Variants in GLIS1 observed in about 807,000 individuals in gnomAD.
The protein encoded by GLIS1 is zinc finger protein GLIS1.
In GLIS1, 24 loss-of-function variants were observed where a neutral mutation model predicts 63.8. The ratio of observed to expected loss-of-function variants is 0.38; its 90% CI spans 0.27 to 0.53. The LOEUF is 0.53. GLIS1 is among the 20% of genes least tolerant of loss of function. The probability of loss-of-function intolerance (pLI) is 0.85; values close to 1 mark genes in which losing one functional copy is unlikely to be tolerated. For synonymous variants in GLIS1, 450 were observed against 482.5 expected, an observed-to-expected ratio of 0.93 and a Z score of 0.88; for missense variants, 1,036 against 1,074.1, an observed-to-expected ratio of 0.96 and a Z score of 0.50.
intron 2 of GLIS1, among the ~76,000 whole-genome samples, chr1:53,736,774 G>A (rs1646916326): frequency 6.6e-6 from 1 of 152,234 alleles, no homozygotes; most frequent in African/African-American, 2.4e-5. Flanking sequence ...GAACCAGGGA[G>A]TTGGGTGTTT....
At chr1:53,568,968 T>G (rs948436648) in intron 4 of GLIS1, among the ~76,000 whole-genome samples, 3 of 152,164 alleles carry the variant, frequency 2.0e-5, no homozygotes, top group Non-Finnish European at 2.9e-5. Context: ...GGAATATTAT[T>G]CAGTAGTGAA....
chr1:53,545,129 G>A (rs1429506000), intron 4 of GLIS1, among the ~76,000 whole-genome samples: 1 of 152,200 alleles, frequency 6.6e-6, no homozygotes, highest in East Asian at 1.9e-4. Flanking sequence ...CTCCAATTCT[G>A]TGAAAACCAC....
intron 4 of GLIS1, among the ~76,000 whole-genome samples, chr1:53,556,096 C>A (rs1167946306): frequency 1.7e-5 from 2 of 114,610 alleles, no homozygotes; most frequent in Non-Finnish European, 3.4e-5. Context: ...AGGTGTACTG[C>A]AGGTGTGTGT....
chr1:53,582,287 C>T (rs1645092850), intron 4 of GLIS1, among the ~76,000 whole-genome samples: 1 of 152,242 alleles, frequency 6.6e-6, no homozygotes, highest in Non-Finnish European at 1.5e-5. Flanking sequence ...GCCAGGCTTC[C>T]TCTGACCCTA....
intron 4 of GLIS1, among the ~76,000 whole-genome samples, chr1:53,554,265 AG>A (rs1456206179): frequency 6.6e-6 from 1 of 152,194 alleles, no homozygotes; most frequent in Non-Finnish European, 1.5e-5. Flanking sequence ...GAGGGGACAG[AG>A]GCACAGAGAG....
intron 4 of GLIS1, among the ~76,000 whole-genome samples, chr1:53,561,009 A>G (rs1303749917): frequency 6.6e-6 from 1 of 152,082 alleles, no homozygotes; most frequent in Non-Finnish European, 1.5e-5. Context: ...CCAAGCCCCT[A>G]CTGTGTGCCC....
intron 2 of GLIS1, among the ~76,000 whole-genome samples, chr1:53,622,427 C>CAAAAAAAAAAAAAAA (rs60923620): frequency 2.3e-5 from 3 of 132,300 alleles, no homozygotes; most frequent in Non-Finnish European, 4.7e-5. Context: ...GACTATGTCT[C>CAAAAAAAAAAAAAAA]AAAAAAAAAA....
intron 4 of GLIS1, among the ~76,000 whole-genome samples, chr1:53,531,252 C>T (rs974767496): frequency 2.6e-5 from 4 of 152,208 alleles, no homozygotes; most frequent in Non-Finnish European, 5.9e-5. Context: ...CCATGAGCAC[C>T]TAACCCAGAT....
intron 5 of GLIS1, among the ~76,000 whole-genome samples, chr1:53,527,168 C>T (rs1452672016): frequency 6.6e-6 from 1 of 152,216 alleles, no homozygotes; most frequent in African/African-American, 2.4e-5. Context: ...AGGGAGGGAG[C>T]GTGTGCAGGC....
chr1:53,662,600 G>A (rs1646041110), intron 2 of GLIS1, among the ~76,000 whole-genome samples: 1 of 152,130 alleles, frequency 6.6e-6, no homozygotes, highest in Non-Finnish European at 1.5e-5. Flanking sequence ...CTGGTTTGGA[G>A]GCAGCTACAG....
At position 53,560,849 on chromosome 1, in the gene GLIS1, C is replaced by T. The variant is rs1006859281; in HGVS notation, c.1321-30897G>A. On this transcript the variant is annotated intron_variant, in intron 4 of 10. Transcript: ENST00000628545. This position sits in a 1 kb window ranked among gnomAD's most constrained non-coding sequence, Gnocchi z 4.4. ...GGCCTTGCCACCTGAAGGGGCAATA[C>T]ACCACACTTTTTCCTGCCCCATCCT... is the stretch of plus-strand genomic sequence containing the variant. 6.6e-6 allele frequency among the ~76,000 whole-genome samples: 1 copy of T among 152,190 alleles called. No homozygotes were observed. The highest frequency in any genetic ancestry group is 1.5e-5 in the Non-Finnish European group (1 of 68,034).
chr1:53,650,814 T>A (rs1645899070), intron 2 of GLIS1, among the ~76,000 whole-genome samples: 1 of 152,248 alleles, frequency 6.6e-6, no homozygotes, highest in African/African-American at 2.4e-5. Flanking sequence ...TCACCCCGTC[T>A]GCCCACTGCA....
At chr1:53,527,236 G>A (rs772245114) in intron 5 of GLIS1, among the ~76,000 whole-genome samples, 5 of 152,244 alleles carry the variant, frequency 3.3e-5, no homozygotes, top group Non-Finnish European at 7.3e-5. Flanking sequence ...AAGTGGGCAG[G>A]GGAGAGAGAA....
chr1:53,723,181 T>C (rs1392798522), intron 2 of GLIS1, among the ~76,000 whole-genome samples: 1 of 151,916 alleles, frequency 6.6e-6, no homozygotes, highest in Non-Finnish European at 1.5e-5. Context: ...ACAAAGAATG[T>C]TAATAACATA....
chr1:53,721,167 T>TA (rs1414488695), intron 2 of GLIS1, among the ~76,000 whole-genome samples: 2 of 151,932 alleles, frequency 1.3e-5, no homozygotes, highest in Non-Finnish European at 2.9e-5. Flanking sequence ...AAAAGAGAAC[T>TA]AAATCTTCAT....
intron 2 of GLIS1, among the ~76,000 whole-genome samples, chr1:53,676,753 C>G (rs1178379124): frequency 6.6e-6 from 1 of 152,212 alleles, no homozygotes; most frequent in Non-Finnish European, 1.5e-5. Context: ...ACCCTCCACC[C>G]TGACCTCCAA....
At chr1:53,508,553 C>T (rs1465423821) in intron 10 of GLIS1, among the ~76,000 whole-genome samples, 1 of 152,252 alleles carries the variant, frequency 6.6e-6, no homozygotes, top group South Asian at 2.1e-4. Flanking sequence ...TAGGCCTGCC[C>T]TGCTGATCGG....
chr1:53,674,792 C>T (rs537336412), intron 2 of GLIS1, among the ~76,000 whole-genome samples: 2 of 152,280 alleles, frequency 1.3e-5, no homozygotes, highest in Admixed American at 6.5e-5. Flanking sequence ...GGATGCTAGG[C>T]TCACCACCCC....
chr1:53,556,036 GGTGTGTGTGT>G (rs143953220), intron 4 of GLIS1, among the ~76,000 whole-genome samples: 14 of 116,262 alleles, frequency 1.2e-4, no homozygotes, highest in African/African-American at 4.1e-4. Context: ...GTGTATTGCA[GGTGTGTGTGT>G]GTGTGTGTGT....
Sources: gnomAD v4.1 joint callset for allele counts (sites outside exome capture counted in the v4.1 genomes callset) on GRCh38, gnomAD v4.1.1 for gene constraint, Gnocchi (gnomAD v3.1) non-coding constraint, MANE v1.5 for transcripts, NCBI Gene and HGNC (gene_info 2026-07-23, HGNC 2026-07-21) for gene names.